The following PRDM11 variants were observed in gnomAD, a reference collection of about 807,000 sequenced individuals.
The protein encoded by PRDM11 is PR/SET domain 11, also known as PR domain-containing protein 11.
Under a neutral mutation model 97.8 loss-of-function variants are expected in PRDM11, and 20 were observed. That is an observed-to-expected ratio of 0.20 (90% CI 0.14 to 0.30). The LOEUF (loss-of-function observed/expected upper bound fraction) is 0.30. Ranked by LOEUF, PRDM11 falls within the 10% of genes least tolerant of loss-of-function variation. The probability of loss-of-function intolerance (pLI) is 1.00; values close to 1 mark genes in which losing one functional copy is unlikely to be tolerated. For synonymous variants in PRDM11, 599 were observed against 637.7 expected (o/e 0.94, Z 0.91); for missense variants, 1,139 against 1,555.2 (o/e 0.73, Z 4.50).
In PRDM11 at chr11:45,230,430, C is replaced by A. The variant is rs1404527828; in HGVS notation, c.*2271C>A. The A allele has an allele frequency of 6.6e-6, 1 of 152,224 alleles. No homozygotes were observed. Among genetic ancestry groups the A allele is most frequent in the Non-Finnish European group, 1.5e-5 (1 of 68,078 alleles). 9.4% of individuals were successfully genotyped at this position (152,224 alleles called of 1,614,324 possible). A position where few individuals can be genotyped will look rare whatever the true frequency, so the allele number is the denominator to read the frequency against. On this transcript the variant is annotated 3_prime_UTR_variant, in exon 8 of 8. Transcript: ENST00000683152. ...GAGATTCCCAGCCCCATTCCACTTC[C>A]CCACTTTAAACTGATGTCTCCCTCC...
intron 4 of PRDM11, among the ~76,000 whole-genome samples, chr11:45,202,010 T>C (rs959743192): frequency 6.6e-6 from 1 of 152,124 alleles, no homozygotes; most frequent in Non-Finnish European, 1.5e-5. Context: ...GGTCTCGCTA[T>C]GTTGCCCAGG....
chr11:45,136,851 AACAG>A (rs1161665865), intron 1 of PRDM11, among the ~76,000 whole-genome samples: 1 of 152,014 alleles, frequency 6.6e-6, no homozygotes, highest in Non-Finnish European at 1.5e-5. Flanking sequence ...CTGAATCAAA[AACAG>A]ATGGGGGCCG....
chr11:45,213,764 A>G (rs1291811599), intron 5 of PRDM11: 1 of 456,192 alleles, frequency 2.2e-6, no homozygotes, highest in Non-Finnish European at 4.4e-6. Context: ...TTTTATCATC[A>G]TCATCTGTAT....
intron 4 of PRDM11, among the ~76,000 whole-genome samples, chr11:45,198,696 T>C (rs1042471275): frequency 3.3e-5 from 5 of 152,222 alleles, no homozygotes; most frequent in Non-Finnish European, 7.3e-5. Flanking sequence ...AACCTGCAGA[T>C]AGCAGATTTG....
At chr11:45,139,791 T>C (rs556465362) in intron 1 of PRDM11, among the ~76,000 whole-genome samples, 1 of 152,342 alleles carries the variant, frequency 6.6e-6, no homozygotes, top group South Asian at 2.1e-4. Context: ...CTTGGGATAC[T>C]CTGAGCTTCA....
chr11:45,147,289 G>A (rs972247395), intron 1 of PRDM11: 15 of 151,776 alleles, frequency 9.9e-5, no homozygotes, highest in East Asian at 5.9e-4. Flanking sequence ...CGGTGACACG[G>A]ACGGGGCGGG....
At chr11:45,161,898 C>G (rs1052511795) in intron 1 of PRDM11, among the ~76,000 whole-genome samples, 17 of 152,212 alleles carry the variant, frequency 1.1e-4, no homozygotes, top group African/African-American at 3.9e-4. Context: ...GGAGGTCATG[C>G]GACTCTCCCA....
At chr11:45,146,433 A>C (rs1303188855), upstream of PRDM11, among the ~76,000 whole-genome samples, 1 of 151,706 alleles carries the variant, frequency 6.6e-6, no homozygotes, top group East Asian at 1.9e-4. Flanking sequence ...TTTTTTCTCG[A>C]TTTCTCCACG....
At chr11:45,137,761 T>C (rs1026172555) in intron 1 of PRDM11, among the ~76,000 whole-genome samples, 6 of 151,838 alleles carry the variant, frequency 4.0e-5, no homozygotes, top group Admixed American at 2.6e-4. Context: ...AGAGAGAAAA[T>C]AAGCAAGCAA....
intron 1 of PRDM11, among the ~76,000 whole-genome samples, chr11:45,173,769 G>A (rs1362248875): frequency 6.6e-6 from 1 of 152,128 alleles, no homozygotes; most frequent in East Asian, 1.9e-4. Flanking sequence ...ACCCCAGCAG[G>A]AGCCTCCACT....
intron 1 of PRDM11, among the ~76,000 whole-genome samples, chr11:45,110,601 G>T (rs1228734858): frequency 6.6e-6 from 1 of 152,230 alleles, no homozygotes; most frequent in Non-Finnish European, 1.5e-5. Flanking sequence ...ACAGGCCGCT[G>T]CTCTGGCCTC....
In PRDM11 at chr11:45,230,626, T is replaced by G. The variant is rs1006301961; in HGVS notation, c.*2467T>G. On this transcript the variant is annotated 3_prime_UTR_variant, in exon 8 of 8. Coordinates refer to ENST00000683152, the MANE Select transcript of PRDM11 (RefSeq NM_001384648.1). The stretch of plus-strand genomic sequence containing the variant: ...TGAACATTGCAGAGACTAAGAAGGG[T>G]TGAGGGCAGAGATGGCTAGCAAGAC... The G allele has an allele frequency of 2.0e-5, 3 of 152,050 alleles. No homozygotes were observed. Among genetic ancestry groups the G allele is most frequent in the Non-Finnish European group, 4.4e-5 (3 of 68,000 alleles). The allele number at this position is 152,050 out of a possible 1,614,324, so 9.4% of individuals were successfully genotyped here. A position where few individuals can be genotyped will look rare whatever the true frequency, so the allele number is the denominator to read the frequency against.
At chr11:45,118,110 T>C (rs1410328871) in intron 1 of PRDM11, among the ~76,000 whole-genome samples, 1 of 151,562 alleles carries the variant, frequency 6.6e-6, no homozygotes, top group Non-Finnish European at 1.5e-5. Flanking sequence ...ATCAAGATCA[T>C]GAAAAAAAGA....
At chr11:45,153,922 T>C (rs369806257) in intron 1 of PRDM11, among the ~76,000 whole-genome samples, 3 of 152,324 alleles carry the variant, frequency 2.0e-5, no homozygotes, top group East Asian at 1.9e-4. Context: ...TCAGAGAGGT[T>C]ACATGACCAA....
chr11:45,184,873 A>G (rs1411689132), intron 4 of PRDM11, among the ~76,000 whole-genome samples: 1 of 151,792 alleles, frequency 6.6e-6, no homozygotes, highest in Non-Finnish European at 1.5e-5. Context: ...ACCTAGGGAG[A>G]ATGTGCTGAG....
intron 4 of PRDM11, among the ~76,000 whole-genome samples, chr11:45,195,933 T>G (rs953952945): frequency 6.6e-6 from 1 of 152,220 alleles, no homozygotes; most frequent in Non-Finnish European, 1.5e-5. Flanking sequence ...TCTTCATCCA[T>G]TGATGGACAG....
chr11:45,112,979 G>T (rs910793773), intron 1 of PRDM11, among the ~76,000 whole-genome samples: 4 of 152,076 alleles, frequency 2.6e-5, no homozygotes, highest in African/African-American at 9.7e-5. Flanking sequence ...ATTTATTTTT[G>T]TTTTTGTTGC....
At chr11:45,158,016 A>G (rs966262516) in intron 1 of PRDM11, among the ~76,000 whole-genome samples, 7 of 152,180 alleles carry the variant, frequency 4.6e-5, no homozygotes, top group Admixed American at 1.3e-4. Context: ...GGCTTCCTGC[A>G]TGGATCCTCT....
chr11:45,103,665 T>A (rs1850863153), intron 1 of PRDM11, among the ~76,000 whole-genome samples: 1 of 151,092 alleles, frequency 6.6e-6, no homozygotes, highest in African/African-American at 2.4e-5. Context: ...TAAAAAGTCA[T>A]TGAGTTGTAC....
Sources: allele counts gnomAD v4.1 joint callset (sites outside exome capture counted in the v4.1 genomes callset), GRCh38; gene constraint gnomAD v4.1.1; transcripts MANE v1.5; gene names NCBI Gene and HGNC (gene_info 2026-07-23, HGNC 2026-07-21).